CCDC146: variants seen among roughly 807,000 people sequenced by gnomAD.
The protein encoded by CCDC146 is coiled-coil domain containing 146, also known as coiled-coil domain-containing protein 146.
A neutral mutation model predicts 119.3 loss-of-function variants in CCDC146; 92 were observed. The ratio of observed to expected loss-of-function variants is 0.77; its 90% confidence interval spans 0.65 to 0.92. The LOEUF (loss-of-function observed/expected upper bound fraction) is 0.92. Ranked by LOEUF, CCDC146 falls within the 40% of genes least tolerant of loss-of-function variation. The probability of loss-of-function intolerance (pLI) is 0.00; values close to 1 mark genes in which losing one functional copy is unlikely to be tolerated. For missense variants in CCDC146, 1,000 were observed against 1,103.0 expected (o/e 0.91, Z 1.32); for synonymous variants, 372 against 371.8 (o/e 1.00, Z -0.01).
intron 1 of CCDC146, among the ~76,000 whole-genome samples, chr7:77,144,598 C>A (rs1341649201): frequency 1.3e-5 from 2 of 151,684 alleles, no homozygotes; most frequent in African/African-American, 4.9e-5. Flanking sequence ...CCCATCAATA[C>A]CTAATTTATT....
intron 9 of CCDC146, among the ~76,000 whole-genome samples, chr7:77,265,055 G>A (rs1034686935): frequency 2.0e-5 from 3 of 152,176 alleles, no homozygotes; most frequent in South Asian, 2.1e-4. Flanking sequence ...AGTTATTCTT[G>A]TTGGAAGCAT....
chr7:77,227,475 T>G (rs1792536721), intron 2 of CCDC146, among the ~76,000 whole-genome samples: 1 of 152,148 alleles, frequency 6.6e-6, no homozygotes, highest in Admixed American at 6.5e-5. Context: ...CCGGCTAATT[T>G]TTTGTATTTT....
At chr7:77,195,853 C>A in intron 2 of CCDC146, 1 of 159,532 alleles carries the variant, frequency 6.3e-6, no homozygotes, top group Admixed American at 6.1e-5. Flanking sequence ...GACAGCGTTT[C>A]ACATGTTTGG....
intron 6 of CCDC146, chr7:77,257,976 C>G (rs1015757891): frequency 2.0e-5 from 3 of 152,226 alleles, no homozygotes; most frequent in African/African-American, 7.2e-5. Context: ...TCCCCAGAAA[C>G]AGACCCTAAG....
chr7:77,128,217 T>C (rs1790717109), intron 1 of CCDC146, among the ~76,000 whole-genome samples: 1 of 152,008 alleles, frequency 6.6e-6, no homozygotes, highest in African/African-American at 2.4e-5. Context: ...TATTTATAGC[T>C]CATCTTCAGC....
chr7:77,203,149 G>C (rs1043593371), intron 2 of CCDC146, among the ~76,000 whole-genome samples: 28 of 151,478 alleles, frequency 1.8e-4, no homozygotes, highest in Admixed American at 1.7e-3. Flanking sequence ...AGGTGAACCA[G>C]TGTGGAGGCA....
chr7:77,192,652 C>T (rs1584057381), intron 2 of CCDC146, among the ~76,000 whole-genome samples: 2 of 152,158 alleles, frequency 1.3e-5, no homozygotes, highest in Non-Finnish European at 2.9e-5. Context: ...TGGCCGGGCA[C>T]GGTGGCTAAT....
chr7:77,165,749 A>G (rs1470819556), intron 1 of CCDC146, among the ~76,000 whole-genome samples: 1 of 152,238 alleles, frequency 6.6e-6, no homozygotes, highest in Non-Finnish European at 1.5e-5. Flanking sequence ...CTGCACATAT[A>G]ATAAGGAAAG....
chr7:77,274,986 CT>C (rs145352474), intron 11 of CCDC146, among the ~76,000 whole-genome samples: 13,955 of 151,570 alleles, frequency 0.092, 1,197 homozygotes, highest in East Asian at 0.42. Context: ...ACGTAACTAA[CT>C]TGCACATTGT....
intron 5 of CCDC146, chr7:77,255,366 A>G (rs1432429022): frequency 6.6e-6 from 1 of 152,202 alleles, no homozygotes; most frequent in African/African-American, 2.4e-5. Flanking sequence ...TTTACAATCT[A>G]TTATAGAACG....
chr7:77,224,077 T>C (rs910216044), intron 2 of CCDC146, among the ~76,000 whole-genome samples: 1 of 152,220 alleles, frequency 6.6e-6, no homozygotes, highest in African/African-American at 2.4e-5. Flanking sequence ...TGTAAAAACA[T>C]GGTATGGTTT....
chr7:77,126,003 C>T (rs1375370610), intron 1 of CCDC146, among the ~76,000 whole-genome samples: 1 of 152,026 alleles, frequency 6.6e-6, no homozygotes, highest in Non-Finnish European at 1.5e-5. Flanking sequence ...ACCGCCACTA[C>T]AATATTGAGT....
At chr7:77,213,256 A>AT (rs1042473025) in intron 2 of CCDC146, among the ~76,000 whole-genome samples, 3 of 150,388 alleles carry the variant, frequency 2.0e-5, no homozygotes, top group East Asian at 1.9e-4. Flanking sequence ...TGCTTGACTA[A>AT]TTTTTTTTTA....
intron 1 of CCDC146, among the ~76,000 whole-genome samples, chr7:77,132,090 A>G (rs1370451759): frequency 1.3e-5 from 2 of 152,130 alleles, no homozygotes; most frequent in Non-Finnish European, 2.9e-5. Context: ...TCATGCATAA[A>G]AAGAAAACAC....
At chr7:77,214,203 T>C (rs1792256402) in intron 2 of CCDC146, among the ~76,000 whole-genome samples, 1 of 152,150 alleles carries the variant, frequency 6.6e-6, no homozygotes, top group East Asian at 1.9e-4. Context: ...TTTGCATTTA[T>C]CTGATGATGA....
Position 77,222,364 on chromosome 7 carries a change from C to T in CCDC146, c.157-14583C>T, listed in dbSNP as rs575069775. ...TATTACTGATGAATACTGGAAAGAA[C>T]GCTGGGTGAAACAGCATCTTCAAAA... On this transcript the variant is annotated intron_variant, in intron 2 of 18. Coordinates refer to ENST00000285871, the MANE Select transcript of CCDC146 (RefSeq NM_020879.3). 5.9e-5 allele frequency among the ~76,000 whole-genome samples: 9 copies of T among 152,324 alleles called. No homozygotes were observed. The South Asian group carries it at 1.5e-3, about 25-fold the overall frequency.
intron 2 of CCDC146, among the ~76,000 whole-genome samples, chr7:77,223,399 G>A (rs1455434094): frequency 6.6e-6 from 1 of 152,150 alleles, no homozygotes; most frequent in East Asian, 1.9e-4. Context: ...CTTAACTCTT[G>A]GGAGGCCCCG....
chr7:77,138,878 G>T (rs1790895733), intron 1 of CCDC146, among the ~76,000 whole-genome samples: 4 of 152,190 alleles, frequency 2.6e-5, no homozygotes, highest in Non-Finnish European at 5.9e-5. Context: ...AAGCTGACAA[G>T]AATGTGGTGC....
At chr7:77,184,421 C>T (rs931224973) in intron 2 of CCDC146, among the ~76,000 whole-genome samples, 1 of 152,150 alleles carries the variant, frequency 6.6e-6, no homozygotes, top group African/African-American at 2.4e-5. Context: ...CATGATATCA[C>T]GGCCTTTCTA....
Sources: allele counts gnomAD v4.1 joint callset (sites outside exome capture counted in the v4.1 genomes callset), GRCh38; gene constraint gnomAD v4.1.1; transcripts MANE v1.5; gene names NCBI Gene and HGNC (gene_info 2026-07-23, HGNC 2026-07-21).